NRXN3: variants seen among roughly 807,000 people sequenced by gnomAD.
The protein encoded by NRXN3 is neurexin 3.
Under a neutral mutation model 137.6 loss-of-function variants are expected in NRXN3, and 32 were observed. The observed-to-expected ratio is 0.23, with a 90% confidence interval of 0.18 to 0.31. The LOEUF is 0.31. NRXN3 is among the 10% of genes least tolerant of loss of function. The pLI is 1.00. For missense variants in NRXN3, 1,574 were observed against 2,062.5 expected, an observed-to-expected ratio of 0.76 and a Z score of 4.59; for synonymous variants, 798 against 784.5, an observed-to-expected ratio of 1.02 and a Z score of -0.29.
chr14:78,231,915 A>T (rs1407056595), intron 1 of NRXN3, among the ~76,000 whole-genome samples: 2 of 152,118 alleles, frequency 1.3e-5, no homozygotes, highest in Non-Finnish European at 2.9e-5. Context: ...AAAAGGACCA[A>T]ATTGTCATGG....
chr14:79,229,425 C>T (rs2071707199), intron 15 of NRXN3, among the ~76,000 whole-genome samples: 2 of 152,156 alleles, frequency 1.3e-5, no homozygotes, highest in South Asian at 4.1e-4. Context: ...AAAGTGCCAT[C>T]CAACTCTAGC....
At chr14:79,660,966 C>T (rs1256883530) in intron 16 of NRXN3, among the ~76,000 whole-genome samples, 1 of 151,912 alleles carries the variant, frequency 6.6e-6, no homozygotes, top group Non-Finnish European at 1.5e-5. Context: ...TGGGCAGTGA[C>T]ACACACACAC....
At chr14:79,280,492 G>A (rs755799412) in intron 15 of NRXN3, 1 of 1,613,708 alleles carries the variant, frequency 6.2e-7, no homozygotes. Context: ...ATCACTCAGT[G>A]CCTATTTCTA....
chr14:78,190,668 C>A lies in NRXN3; in HGVS notation c.-704+19994C>A, dbSNP rs986011097. 2.0e-5 allele frequency among the ~76,000 whole-genome samples: 3 copies of A among 146,782 alleles called. No homozygotes were observed. In the Admixed American group the frequency reaches 2.1e-4, roughly 10 times the overall value. On this transcript the variant is annotated intron_variant, in intron 1 of 20. Coordinates refer to ENST00000335750, the MANE Select transcript of NRXN3 (RefSeq NM_001330195.2). ...ATTTATTTATTTACTTACTTACTTA[C>A]TTAATTACTTACTTACTTGCTTACT...
At chr14:78,188,874 A>G (rs988806715) in intron 1 of NRXN3, among the ~76,000 whole-genome samples, 1 of 152,168 alleles carries the variant, frequency 6.6e-6, no homozygotes, top group Admixed American at 6.5e-5. Context: ...TGCTCTCAGA[A>G]TGATGTCTGG....
chr14:78,661,346 T>G (rs574153829), intron 6 of NRXN3, among the ~76,000 whole-genome samples: 18 of 152,304 alleles, frequency 1.2e-4, no homozygotes, highest in African/African-American at 4.1e-4. Flanking sequence ...AGCAGCAAAG[T>G]TTTTGAAGAC....
chr14:79,668,920 T>TAAGA (rs1344692192), intron 17 of NRXN3, among the ~76,000 whole-genome samples: 1 of 152,080 alleles, frequency 6.6e-6, no homozygotes, highest in African/African-American at 2.4e-5. Context: ...TACATCGGTA[T>TAAGA]AAGAAAGATT....
chr14:79,141,704 A>G (rs1274801200), intron 15 of NRXN3, among the ~76,000 whole-genome samples: 1 of 152,196 alleles, frequency 6.6e-6, no homozygotes, highest in East Asian at 1.9e-4. Context: ...AAAATAAAGG[A>G]GATACCACTT....
chr14:78,614,824 A>C (rs2097331827), intron 4 of NRXN3: 1 of 367,460 alleles, frequency 2.7e-6, no homozygotes, highest in East Asian at 7.4e-5. Context: ...GTAATGAAAC[A>C]ACTCTTGTGG....
intron 16 of NRXN3, among the ~76,000 whole-genome samples, chr14:79,618,951 A>G (rs1194554953): frequency 6.6e-6 from 1 of 152,014 alleles, no homozygotes; most frequent in Non-Finnish European, 1.5e-5. Flanking sequence ...GCATTTCTCT[A>G]ACTAGTGATA....
intron 15 of NRXN3, among the ~76,000 whole-genome samples, chr14:79,048,342 A>G (rs772528522): frequency 5.9e-5 from 9 of 152,180 alleles, no homozygotes; most frequent in Non-Finnish European, 1.3e-4. Flanking sequence ...TTTCAGGGGT[A>G]CATTGATTTG....
chr14:79,628,179 G>A (rs2098302543), intron 16 of NRXN3, among the ~76,000 whole-genome samples: 1 of 151,996 alleles, frequency 6.6e-6, no homozygotes, highest in African/African-American at 2.4e-5. Flanking sequence ...AGCAATCAAA[G>A]GTCTCATGTT....
intron 4 of NRXN3, among the ~76,000 whole-genome samples, chr14:78,345,523 C>T (rs950068672): frequency 6.6e-6 from 1 of 152,146 alleles, no homozygotes; most frequent in Non-Finnish European, 1.5e-5. Context: ...CTACACCTGC[C>T]TCTTCCCAAG....
intron 5 of NRXN3, among the ~76,000 whole-genome samples, chr14:78,648,788 T>G (rs191344150): frequency 4.6e-4 from 70 of 152,330 alleles, no homozygotes; most frequent in African/African-American, 1.6e-3. Flanking sequence ...TATTTGTATT[T>G]CAGTTCTTTG....
At chr14:79,617,388 T>TTC (rs1462426139) in intron 16 of NRXN3, among the ~76,000 whole-genome samples, 1 of 151,248 alleles carries the variant, frequency 6.6e-6, no homozygotes, top group African/African-American at 2.4e-5. Flanking sequence ...TAGGATCAAT[T>TTC]TCACCAATTA....
At chr14:79,526,873 T>C (rs1281576058) in intron 16 of NRXN3, among the ~76,000 whole-genome samples, 1 of 152,136 alleles carries the variant, frequency 6.6e-6, no homozygotes, top group Non-Finnish European at 1.5e-5. Flanking sequence ...AAAAGCCTCC[T>C]GGGAGGGTAG....
intron 1 of NRXN3, among the ~76,000 whole-genome samples, chr14:78,177,024 C>T (rs1192992893): frequency 1.3e-5 from 2 of 152,234 alleles, no homozygotes; most frequent in East Asian, 3.9e-4. Context: ...GGAGGACCCC[C>T]ATTCCAGTGG....
intron 15 of NRXN3, among the ~76,000 whole-genome samples, chr14:78,989,647 C>G (rs573058307): frequency 1.3e-5 from 2 of 152,236 alleles, no homozygotes; most frequent in South Asian, 4.2e-4. Context: ...ATAAACCCAG[C>G]CAGCCAGAGA....
intron 15 of NRXN3, among the ~76,000 whole-genome samples, chr14:79,463,926 A>G (rs993204535): frequency 2.0e-5 from 3 of 152,208 alleles, no homozygotes; most frequent in Non-Finnish European, 4.4e-5. Flanking sequence ...CACATTTTAA[A>G]GTAACACAAT....
Sources: gnomAD v4.1 joint callset for allele counts (sites outside exome capture counted in the v4.1 genomes callset) on GRCh38, gnomAD v4.1.1 for gene constraint, MANE v1.5 for transcripts, NCBI Gene and HGNC (gene_info 2026-07-23, HGNC 2026-07-21) for gene names.